Variants in CCDC126 observed in about 807,000 individuals in gnomAD.
CCDC126 encodes the protein coiled-coil domain-containing protein 126.
In CCDC126, 5 loss-of-function variants were observed where a neutral mutation model predicts 11.7. The observed-to-expected ratio is 0.43, with a 90% confidence interval of 0.22 to 0.90. CCDC126 has a LOEUF of 0.90. CCDC126 is among the 40% of genes least tolerant of loss of function. The pLI is 0.27. For synonymous variants in CCDC126, 60 were observed against 61.9 expected, an observed-to-expected ratio of 0.97 and a Z score of 0.14; for missense variants, 150 against 163.1, an observed-to-expected ratio of 0.92 and a Z score of 0.44.
intron 3 of CCDC126, among the ~76,000 whole-genome samples, chr7:23,620,847 A>T (rs1326829541): frequency 6.6e-6 from 1 of 152,110 alleles, no homozygotes; most frequent in Admixed American, 6.6e-5. Flanking sequence ...TCCTTTCCCC[A>T]TTGCTTGTTT....
rs141555016 is a variant in CCDC126 at position 23,607,417 on chromosome 7, T to C, written c.-145-3754T>C. Among the ~76,000 whole-genome samples, 132 of 152,348 alleles carry C rather than the reference T, an allele frequency of 8.7e-4. 2 individuals are homozygous for C. The highest frequency in any genetic ancestry group is 3.4e-3 in the Middle Eastern group (1 of 294). ...TTGAGGAGGTTCAAAGTGCAAGTTC[T>C]TCTGTTATTTGCAGCTTTGAACATT... On this transcript the variant is annotated intron_variant, in intron 2 of 3. Coordinates refer to ENST00000307471, the MANE Select transcript of CCDC126 (RefSeq NM_138771.4).
At chr7:23,613,382 G>A (rs1421438241) in intron 3 of CCDC126, among the ~76,000 whole-genome samples, 2 of 151,948 alleles carry the variant, frequency 1.3e-5, no homozygotes, top group African/African-American at 4.8e-5. Flanking sequence ...AATGAAAAAG[G>A]GCAGTTTTTT....
intron 3 of CCDC126, among the ~76,000 whole-genome samples, chr7:23,625,600 G>C (rs1023110698): frequency 1.3e-5 from 2 of 149,734 alleles, no homozygotes; most frequent in African/African-American, 4.9e-5. Flanking sequence ...AATTATTTGA[G>C]TCACGACAAT....
chr7:23,642,797 A>T, intron 3 of CCDC126, 134 bp from the exon 4 acceptor site: 2 of 639,376 alleles, frequency 3.1e-6, no homozygotes, highest in Non-Finnish European at 5.2e-6. Flanking sequence ...TCCTATTTGT[A>T]GTATGAGTGC....
intron 3 of CCDC126, among the ~76,000 whole-genome samples, chr7:23,621,205 C>G (rs1246867706): frequency 6.6e-6 from 1 of 152,216 alleles, no homozygotes; most frequent in Non-Finnish European, 1.5e-5. Context: ...TTCTTCCTAT[C>G]CATGAGCATG....
chr7:23,602,515 G>A (rs1334833189), intron 2 of CCDC126, among the ~76,000 whole-genome samples: 2 of 152,094 alleles, frequency 1.3e-5, no homozygotes, highest in Non-Finnish European at 2.9e-5. Context: ...TTTGCTTGTG[G>A]GTTTCCTTCT....
chr7:23,601,569 T>G (rs1313301749), intron 2 of CCDC126, among the ~76,000 whole-genome samples: 1 of 152,252 alleles, frequency 6.6e-6, no homozygotes, highest in Non-Finnish European at 1.5e-5. Flanking sequence ...AGTGGAGTCC[T>G]GTGCTGAAAG....
chr7:23,621,942 AGG>A (rs1187462882), intron 3 of CCDC126, among the ~76,000 whole-genome samples: 1 of 152,148 alleles, frequency 6.6e-6, no homozygotes, highest in Non-Finnish European at 1.5e-5. Flanking sequence ...CACTTGATCA[AGG>A]TGGATAAGCT....
At chr7:23,611,914 C>T (rs1310390474) in intron 3 of CCDC126, among the ~76,000 whole-genome samples, 2 of 152,016 alleles carry the variant, frequency 1.3e-5, no homozygotes, top group Admixed American at 6.6e-5. Context: ...GAGGCCGAGG[C>T]GGATGGATCA....
rs1276586459 is a variant in CCDC126, at chr7:23,644,182, AATGGCCAC to A, written c.*1068_*1075del. 6.6e-6 allele frequency: 1 copy of A among 152,166 alleles called. No homozygotes were observed. The highest frequency in any genetic ancestry group is 1.5e-5 in the Non-Finnish European group (1 of 67,944). 9.4% of individuals were successfully genotyped at this position (152,166 alleles called of 1,614,324 possible). A position where few individuals can be genotyped will look rare whatever the true frequency, so the allele number is the denominator to read the frequency against. On this transcript the variant is annotated 3_prime_UTR_variant, in exon 4 of 4. Coordinates refer to ENST00000307471, the MANE Select transcript of CCDC126 (RefSeq NM_138771.4). Reference sequence around the variant, plus strand: ...GATGCATTAGATATTCATTTTATATAATGGCCACTTAAAATAAGAACATTTAAAATATA... The same window carrying A: ...GATGCATTAGATATTCATTTTATATATTAAAATAAGAACATTTAAAATATA...
At chr7:23,604,724 C>G (rs1348929312) in intron 2 of CCDC126, among the ~76,000 whole-genome samples, 1 of 151,952 alleles carries the variant, frequency 6.6e-6, no homozygotes, top group African/African-American at 2.4e-5. Flanking sequence ...GGGCCAGGTG[C>G]GGTGGCTCAC....
At chr7:23,610,795 CT>C (rs913682164) in intron 2 of CCDC126, among the ~76,000 whole-genome samples, 1,675 of 146,760 alleles carry the variant, frequency 0.011, 33 homozygotes, top group African/African-American at 0.039. Context: ...GATGTTTTTT[CT>C]TTTTTTTTTG....
At position 23,623,567 on chromosome 7, in the gene CCDC126, G is replaced by T. The variant is rs142500791; in HGVS notation, c.238+12014G>T. Among the ~76,000 whole-genome samples, 604 of 146,240 alleles carry T rather than the reference G, an allele frequency of 4.1e-3. 4 individuals carry two copies. The highest frequency in any genetic ancestry group is 0.015 in the African/African-American group (587 of 39,638). Reference sequence around the variant, plus strand: ...GCCGAAGTTGTGCCACTGCATTCCAGCCTAGGTGACAGAGTGAGACTGTCT... The same window carrying T: ...GCCGAAGTTGTGCCACTGCATTCCATCCTAGGTGACAGAGTGAGACTGTCT... On this transcript the variant is annotated intron_variant, in intron 3 of 3. Transcript: ENST00000307471.
At chr7:23,637,806 G>T (rs1427625085) in intron 3 of CCDC126, among the ~76,000 whole-genome samples, 2 of 101,820 alleles carry the variant, frequency 2.0e-5, no homozygotes, top group East Asian at 3.6e-4. Flanking sequence ...GGGGAGGGGG[G>T]GGTCGGCCAG....
chr7:23,616,383 T>C (rs1453287173), intron 3 of CCDC126, among the ~76,000 whole-genome samples: 1 of 152,218 alleles, frequency 6.6e-6, no homozygotes, highest in African/African-American at 2.4e-5. Flanking sequence ...TCCTATTTTC[T>C]AGAATTTTTA....
At position 23,605,989 on chromosome 7, in the gene CCDC126, T is replaced by TG. The variant is rs1415784199; in HGVS notation, c.-145-5182_-145-5181insG. 8.6e-5 allele frequency among the ~76,000 whole-genome samples: 13 copies of TG among 152,030 alleles called. No homozygotes were observed. In the East Asian group the frequency reaches 1.2e-3, roughly 14 times the overall value. Reference sequence around the variant, plus strand: ...TGCCAACACTTGTTTTCTGTTTTTTTTTGTGTGTGTGTGTGTGTGATAACT... The same window carrying TG: ...TGCCAACACTTGTTTTCTGTTTTTTTGTTGTGTGTGTGTGTGTGTGATAACT... On this transcript the variant is annotated intron_variant, in intron 2 of 3. Coordinates refer to ENST00000307471, the MANE Select transcript of CCDC126 (RefSeq NM_138771.4).
intron 3 of CCDC126, among the ~76,000 whole-genome samples, chr7:23,612,780 T>A (rs959255387): frequency 6.6e-6 from 1 of 152,216 alleles, no homozygotes; most frequent in Non-Finnish European, 1.5e-5. Context: ...CCATCAATTG[T>A]ATAGCATTTA....
chr7:23,600,014 A>C (rs1163173299), intron 2 of CCDC126, among the ~76,000 whole-genome samples: 2 of 152,112 alleles, frequency 1.3e-5, no homozygotes, highest in African/African-American at 4.8e-5. Context: ...TGAATGCCTG[A>C]CCTCAAGTGA....
At chr7:23,626,363 A>G (rs1231001082) in intron 3 of CCDC126, among the ~76,000 whole-genome samples, 1 of 152,220 alleles carries the variant, frequency 6.6e-6, no homozygotes, top group Non-Finnish European at 1.5e-5. Flanking sequence ...TATAGAAACC[A>G]TTTATCCATA....
Sources: gnomAD v4.1 joint callset for allele counts (sites outside exome capture counted in the v4.1 genomes callset) on GRCh38, gnomAD v4.1.1 for gene constraint, MANE v1.5 for transcripts, NCBI Gene and HGNC (gene_info 2026-07-23, HGNC 2026-07-21) for gene names.